The following CPQ variants were observed in gnomAD, a reference collection of about 807,000 sequenced individuals.
The protein encoded by CPQ is Ser-Met dipeptidase.
In CPQ, 37 loss-of-function variants were observed where a neutral mutation model predicts 45.7. The ratio of observed to expected loss-of-function variants is 0.81; its 90% CI spans 0.62 to 1.07. The LOEUF (loss-of-function observed/expected upper bound fraction) is 1.07, where lower values mean the gene tolerates loss of function less well. Ranked by LOEUF, CPQ falls within the 50% of genes least tolerant of loss-of-function variation. The pLI is 0.00. For missense variants in CPQ, 537 were observed against 572.9 expected (o/e 0.94, Z 0.64); for synonymous variants, 186 against 205.8 (o/e 0.90, Z 0.82).
rs182257404 is a variant in CPQ, at chr8:96,882,374, C to G, written c.849+2369C>G. Among the ~76,000 whole-genome samples, 261 of 152,328 alleles carry G rather than the reference C, an allele frequency of 1.7e-3. 2 individuals carry two copies. The highest frequency in any genetic ancestry group is 6.2e-3 in the African/African-American group (259 of 41,560). On this transcript the variant is annotated intron_variant, in intron 4 of 7. Transcript: ENST00000220763. ...GAGCCAAGAGTCTATATTTCAGATG[C>G]TAAATAGTCAGATGCCTTAAAGTGT...
intron 7 of CPQ, among the ~76,000 whole-genome samples, chr8:97,130,636 C>T (rs1020685299): frequency 2.6e-5 from 4 of 152,016 alleles, no homozygotes; most frequent in Non-Finnish European, 5.9e-5. Flanking sequence ...CTAAATTTAC[C>T]TCTCAGCTTG....
At chr8:96,723,310 A>G (rs1343619127) in intron 1 of CPQ, among the ~76,000 whole-genome samples, 2 of 152,192 alleles carry the variant, frequency 1.3e-5, no homozygotes. Context: ...AAATACAGTA[A>G]TGGTTGAAAT....
intron 4 of CPQ, among the ~76,000 whole-genome samples, chr8:96,958,133 G>A (rs1813388018): frequency 6.6e-6 from 1 of 151,866 alleles, no homozygotes; most frequent in Non-Finnish European, 1.5e-5. Context: ...GAGCCACCAT[G>A]CTCGGCCTTC....
chr8:97,136,884 T>G (rs1235798430), intron 7 of CPQ, among the ~76,000 whole-genome samples: 3 of 152,058 alleles, frequency 2.0e-5, no homozygotes, highest in African/African-American at 7.2e-5. Context: ...TAGTTAACAT[T>G]CCCCCTGACC....
chr8:97,073,349 G>T (rs1586527270), intron 7 of CPQ, among the ~76,000 whole-genome samples: 3 of 152,288 alleles, frequency 2.0e-5, no homozygotes, highest in South Asian at 2.1e-4. Flanking sequence ...TAAATTGAAG[G>T]TTCAGCCTCT....
At chr8:96,984,142 T>C (rs890784728) in intron 5 of CPQ, among the ~76,000 whole-genome samples, 1 of 152,138 alleles carries the variant, frequency 6.6e-6, no homozygotes, top group African/African-American at 2.4e-5. Context: ...AAATATCACA[T>C]GTATATTTGT....
intron 1 of CPQ, among the ~76,000 whole-genome samples, chr8:96,692,541 T>C (rs1476816960): frequency 1.3e-5 from 2 of 152,146 alleles, no homozygotes; most frequent in East Asian, 3.9e-4. Context: ...GTCTTCCTGG[T>C]AATCCAGAGA....
intron 1 of CPQ, among the ~76,000 whole-genome samples, chr8:96,693,936 A>G (rs1368867424): frequency 6.6e-6 from 1 of 152,216 alleles, no homozygotes; most frequent in Non-Finnish European, 1.5e-5. Context: ...ATACAATAAG[A>G]TATAAATAGA....
chr8:96,948,426 T>C (rs745313493), intron 4 of CPQ, among the ~76,000 whole-genome samples: 3 of 152,312 alleles, frequency 2.0e-5, no homozygotes, highest in East Asian at 1.9e-4. Flanking sequence ...GTGTGTTCTT[T>C]AATTTCCATG....
intron 1 of CPQ, among the ~76,000 whole-genome samples, chr8:96,737,557 C>T (rs534029167): frequency 1.3e-5 from 2 of 151,960 alleles, no homozygotes; most frequent in East Asian, 1.9e-4. Context: ...ACCTTTTTCA[C>T]GTTTTTCTGC....
intron 3 of CPQ, among the ~76,000 whole-genome samples, chr8:96,876,100 A>G (rs1020307323): frequency 6.6e-6 from 1 of 151,866 alleles, no homozygotes; most frequent in East Asian, 1.9e-4. Flanking sequence ...ACTCTTTGCT[A>G]TTGTTTTGCT....
At chr8:97,038,796 A>G (rs551053314) in intron 6 of CPQ, among the ~76,000 whole-genome samples, 1 of 135,214 alleles carries the variant, frequency 7.4e-6, no homozygotes, top group South Asian at 2.5e-4. Context: ...ACAAATGAGT[A>G]TGGCTGTATT....
At chr8:96,769,368 A>G (rs1191208146) in intron 1 of CPQ, among the ~76,000 whole-genome samples, 1 of 151,988 alleles carries the variant, frequency 6.6e-6, no homozygotes, top group Non-Finnish European at 1.5e-5. Flanking sequence ...TCCTAAGTGC[A>G]TTTTTCAGGA....
chr8:97,053,146 C>T (rs1185853265), intron 6 of CPQ, among the ~76,000 whole-genome samples: 1 of 152,150 alleles, frequency 6.6e-6, no homozygotes. Flanking sequence ...CAAATATACA[C>T]ACATATGTGT....
intron 5 of CPQ, among the ~76,000 whole-genome samples, chr8:96,989,686 TA>T (rs1223610661): frequency 6.6e-6 from 1 of 152,158 alleles, no homozygotes; most frequent in Non-Finnish European, 1.5e-5. Flanking sequence ...GTGATAAAAT[TA>T]AAAGGACATA....
intron 3 of CPQ, among the ~76,000 whole-genome samples, chr8:96,846,522 G>A (rs1236736571): frequency 6.6e-6 from 1 of 151,980 alleles, no homozygotes; most frequent in South Asian, 2.1e-4. Flanking sequence ...ACTTTTAGTT[G>A]CTTTCTTTTA....
In CPQ at chr8:96,784,901, A is replaced by G. The variant is rs1007730288; in HGVS notation, c.4A>G (p.Lys2Glu). The G allele has an allele frequency of 1.3e-6, 2 of 1,589,234 alleles. No individual in the cohort carries two copies. Among genetic ancestry groups the G allele is most frequent in the African/African-American group, 2.7e-5 (2 of 72,962 alleles). ...AGAAAACCAACTGGAAAAAAAAATG[A>G]AATTCCTTATCTTCGCATTTTTCGG... is the stretch of plus-strand genomic sequence containing the variant. MKFLIFAFFGGV... is the reference protein window; with the variant it reads MEFLIFAFFGGV... Residue 2 changes from lysine to glutamate, a missense_variant, in exon 2 of 8, where the codon AAA becomes GAA. Transcript: ENST00000220763.
At position 96,770,458 on chromosome 8, in the gene CPQ, C is replaced by T. The variant is rs138786895; in HGVS notation, c.-34-14406C>T. ...TTCCCCCATGTTTCTCTAATGCCCA[C>T]ACTTTATTCAGGATGTTGTGTTCAG... On this transcript the variant is annotated intron_variant, in intron 1 of 7. Coordinates refer to ENST00000220763, the MANE Select transcript of CPQ (RefSeq NM_016134.4). 6.5e-3 allele frequency among the ~76,000 whole-genome samples: 986 copies of T among 152,238 alleles called. 14 individuals carry two copies. Among genetic ancestry groups the T allele is most frequent in the African/African-American group, 0.022 (911 of 41,536 alleles).
chr8:96,703,118 G>C (rs568770023), intron 1 of CPQ, among the ~76,000 whole-genome samples: 2 of 152,188 alleles, frequency 1.3e-5, no homozygotes, highest in South Asian at 2.1e-4. Context: ...ATGACCAGAG[G>C]CTCACAAGAA....
Sources: gnomAD v4.1 joint callset for allele counts (sites outside exome capture counted in the v4.1 genomes callset) on GRCh38, gnomAD v4.1.1 for gene constraint, MANE v1.5 for transcripts, NCBI Gene and HGNC (gene_info 2026-07-23, HGNC 2026-07-21) for gene names.